GRAMD1C: variants seen among roughly 807,000 people sequenced by gnomAD.
GRAMD1C encodes GRAM domain containing 1C.
GRAMD1C carries 89 observed loss-of-function variants against 97.8 expected under a neutral mutation model. The ratio of observed to expected loss-of-function variants is 0.91; its 90% CI spans 0.77 to 1.09. The LOEUF (loss-of-function observed/expected upper bound fraction) is 1.09. GRAMD1C is among the 50% of genes least tolerant of loss of function. GRAMD1C has a pLI of 0.00. For synonymous variants in GRAMD1C, 256 were observed against 267.0 expected, an observed-to-expected ratio of 0.96 and a Z score of 0.40; for missense variants, 740 against 766.4, an observed-to-expected ratio of 0.97 and a Z score of 0.41.
At chr3:113,857,668 G>A (rs573619052) in intron 2 of GRAMD1C, among the ~76,000 whole-genome samples, 28 of 152,160 alleles carry the variant, frequency 1.8e-4, no homozygotes, top group Non-Finnish European at 3.5e-4. Flanking sequence ...GAGCCACCGT[G>A]TCCAGCCTGT....
At chr3:113,935,147 T>G (rs1281009887) in intron 13 of GRAMD1C, among the ~76,000 whole-genome samples, 4 of 152,202 alleles carry the variant, frequency 2.6e-5, no homozygotes, top group Non-Finnish European at 5.9e-5. Flanking sequence ...AAGTTAAAAT[T>G]ATTATTTTTC....
chr3:113,829,086 A>T (rs896807004), intron 1 of GRAMD1C, among the ~76,000 whole-genome samples: 2 of 152,048 alleles, frequency 1.3e-5, no homozygotes, highest in East Asian at 1.9e-4. Flanking sequence ...ATACATACTT[A>T]TCTCCCTTGC....
chr3:113,914,561 G>C (rs766362758), intron 9 of GRAMD1C, among the ~76,000 whole-genome samples: 3 of 152,146 alleles, frequency 2.0e-5, no homozygotes, highest in Admixed American at 6.5e-5. Flanking sequence ...TTTTTATTCT[G>C]TATCGATGGG....
At chr3:113,840,112 G>T (rs1577111941) in intron 1 of GRAMD1C, among the ~76,000 whole-genome samples, 1 of 152,072 alleles carries the variant, frequency 6.6e-6, no homozygotes, top group Non-Finnish European at 1.5e-5. Flanking sequence ...AACTACAGGC[G>T]CCCGCCACCA....
rs150038516 is a variant in GRAMD1C at position 113,844,367 on chromosome 3, G to A, written c.28-136G>A. ...CTAGATGAACTATTGAAGCAAAAAC[G>A]TATTTATTACTGTCTTCTAAACATT... On this transcript the variant is annotated intron_variant, in intron 1 of 17. Transcript: ENST00000358160. 1,907 of 515,968 alleles carry A rather than the reference G, an allele frequency of 3.7e-3. 27 individuals carry two copies. Among genetic ancestry groups the A allele is most frequent in the Admixed American group, 0.026 (662 of 25,522 alleles). The allele number at this position is 515,968 out of a possible 1,614,324, so 32.0% of individuals were successfully genotyped here.
At chr3:113,842,271 G>C (rs1050362928) in intron 1 of GRAMD1C, among the ~76,000 whole-genome samples, 1 of 152,152 alleles carries the variant, frequency 6.6e-6, no homozygotes, top group Admixed American at 6.6e-5. Flanking sequence ...TGTAATTTGA[G>C]ACCCAATATT....
intron 10 of GRAMD1C, among the ~76,000 whole-genome samples, chr3:113,925,545 C>A (rs1297237814): frequency 6.6e-6 from 1 of 152,186 alleles, no homozygotes; most frequent in African/African-American, 2.4e-5. Flanking sequence ...CAACTTTCCA[C>A]TGCCTTTTAA....
chr3:113,920,212 G>T, intron 10 of GRAMD1C: 2 of 1,194,206 alleles, frequency 1.7e-6, no homozygotes, highest in South Asian at 1.4e-5. Context: ...CTGAATAGGA[G>T]ACCAAAAAAA....
Position 113,869,500 on chromosome 3 carries a change from G to A in GRAMD1C, c.175-7G>A. ...TAGACAGAAATGTAATCTTTTTATT[G>A]TTGCAGATTTCAAGTTCCACCTATA... On this transcript the variant is annotated splice_region_variant and splice_polypyrimidine_tract_variant and intron_variant, in intron 2 of 17. Coordinates refer to ENST00000358160, the MANE Select transcript of GRAMD1C (RefSeq NM_017577.5). The A allele has an allele frequency of 7.6e-7, 1 of 1,324,484 alleles. No homozygotes were observed. Among genetic ancestry groups the A allele is most frequent in the Non-Finnish European group, 1.1e-6 (1 of 932,996 alleles). 82.0% of individuals were successfully genotyped at this position (1,324,484 alleles called of 1,614,324 possible). A position where few individuals can be genotyped will look rare whatever the true frequency, so the allele number is the denominator to read the frequency against.
chr3:113,879,060 C>T lies in GRAMD1C; in HGVS notation c.459+2800C>T, dbSNP rs982903059. ...TCTCTACTAAAAATACAAAAATTAG[C>T]TGGGCATGGTGGTGCACACCTGTAA... is the stretch of plus-strand genomic sequence containing the variant. On this transcript the variant is annotated intron_variant, in intron 5 of 17. Transcript: ENST00000358160. Among the ~76,000 whole-genome samples the T allele has an allele frequency of 3.3e-5, 5 of 152,198 alleles. No homozygotes were observed. The East Asian group carries it at 9.7e-4, about 29-fold the overall frequency.
intron 7 of GRAMD1C, among the ~76,000 whole-genome samples, chr3:113,902,171 T>C (rs560621864): frequency 6.3e-4 from 96 of 152,342 alleles, no homozygotes; most frequent in African/African-American, 2.2e-3. Flanking sequence ...AAAATGGAAA[T>C]ATTTTGAAAG....
chr3:113,909,872 C>T (rs568856246), intron 9 of GRAMD1C, among the ~76,000 whole-genome samples: 1 of 150,780 alleles, frequency 6.6e-6, no homozygotes, highest in African/African-American at 2.4e-5. Context: ...AAGATGCAAG[C>T]TTTTGACTGT....
chr3:113,839,081 T>C (rs1201023955), intron 1 of GRAMD1C, 145 bp downstream of exon 1: 2 of 548,418 alleles, frequency 3.6e-6, no homozygotes, highest in Non-Finnish European at 5.5e-6. Flanking sequence ...CGGAAAGTTG[T>C]TACCGAGGAA....
intron 6 of GRAMD1C, among the ~76,000 whole-genome samples, chr3:113,891,816 G>A (rs1374699185): frequency 1.3e-5 from 2 of 152,010 alleles, no homozygotes. Flanking sequence ...GAGCCCAGGA[G>A]GCTGAGGCTG....
intron 10 of GRAMD1C, among the ~76,000 whole-genome samples, chr3:113,930,066 A>C (rs983843445): frequency 6.6e-6 from 1 of 152,138 alleles, no homozygotes; most frequent in Admixed American, 6.5e-5. Context: ...TTTCTGTTCA[A>C]GTGGGTATTT....
intron 6 of GRAMD1C, among the ~76,000 whole-genome samples, chr3:113,883,488 GC>G (rs1935335905): frequency 6.7e-6 from 1 of 149,440 alleles, no homozygotes; most frequent in Non-Finnish European, 1.5e-5. Flanking sequence ...TCGTGCCACG[GC>G]ACTCCAGCCT....
chr3:113,933,624 C>T lies in GRAMD1C; in HGVS notation c.1323C>T (p.Ile441=). 1 of 1,606,798 alleles carries T rather than the reference C, an allele frequency of 6.2e-7. No homozygotes were observed. Among genetic ancestry groups the T allele is most frequent in the Non-Finnish European group, 8.5e-7 (1 of 1,173,614 alleles). The part of the protein sequence containing the change: ...YFYTVNRYCI[I]RSSKQKCRLR... ...ATACCGTGAACAGATACTGTATCAT[C>T]CGATCTTCAAAACAGAAATGCAGGC... The change falls in exon 12 of 18, where the codon ATC becomes ATT. Residue 441 remains isoleucine (I), a synonymous_variant. Coordinates refer to ENST00000358160, the MANE Select transcript of GRAMD1C (RefSeq NM_017577.5).
At position 113,918,256 on chromosome 3, in the gene GRAMD1C, C is replaced by T. The variant is rs540588462; in HGVS notation, c.1090+2418C>T. Among the ~76,000 whole-genome samples the T allele has an allele frequency of 2.6e-5, 4 of 152,128 alleles. No individual in the cohort carries two copies. In the South Asian group the frequency reaches 6.2e-4, roughly 24 times the overall value. The stretch of plus-strand genomic sequence containing the variant: ...TAATATTTAACTTATTATATTTTTT[C>T]GGAATCTATTTTGTATTTACTTGTT... On this transcript the variant is annotated intron_variant, in intron 10 of 17. Coordinates refer to ENST00000358160, the MANE Select transcript of GRAMD1C (RefSeq NM_017577.5).
chr3:113,885,548 A>C (rs1469654574), intron 6 of GRAMD1C: 6 of 1,597,090 alleles, frequency 3.8e-6, no homozygotes, highest in Admixed American at 3.3e-5. Flanking sequence ...CTGAGGCCGC[A>C]GTCCGGCCTG....
Sources: gnomAD v4.1 joint callset for allele counts (sites outside exome capture counted in the v4.1 genomes callset) on GRCh38, gnomAD v4.1.1 for gene constraint, MANE v1.5 for transcripts, NCBI Gene and HGNC (gene_info 2026-07-23, HGNC 2026-07-21) for gene names.